The following BAX variants were observed in gnomAD, a reference collection of about 807,000 sequenced individuals.
BAX encodes apoptosis regulator BAX.
Under a neutral mutation model 26.8 loss-of-function variants are expected in BAX, and 21 were observed. The observed-to-expected ratio is 0.78, with a 90% CI of 0.56 to 1.13. The LOEUF (loss-of-function observed/expected upper bound fraction) is 1.13, where lower values mean the gene tolerates loss of function less well. BAX is among the 50% of genes most tolerant of loss of function. The pLI is 0.00. For synonymous variants in BAX, 110 were observed against 101.8 expected (o/e 1.08, Z -0.49); for missense variants, 236 against 254.6 (o/e 0.93, Z 0.50).
At chr19:48,955,416 C>CT in intron 1 of BAX, 132 bp from the exon 2 acceptor site, 1 of 1,048,416 alleles carries the variant, frequency 9.5e-7, no homozygotes, top group Non-Finnish European at 1.3e-6. Context: ...CCCCCCGTCA[C>CT]TTTATCTGCT....
In BAX at chr19:48,955,708, G is replaced by T; in HGVS notation, c.108G>T (p.Gly36=). 6.2e-7 allele frequency: 1 copy of T among 1,612,898 alleles called. No individual in the cohort carries two copies. Among genetic ancestry groups the T allele is most frequent in the Non-Finnish European group, 8.5e-7 (1 of 1,179,318 alleles). The stretch of plus-strand genomic sequence containing the variant: ...CTAGTTTCATCCAGGATCGAGCAGG[G>T]CGAATGGGGGGGGAGGCACCCGAGC... ...LLQGFIQDRA[G]RMGGEAPELA... The change falls in exon 3 of 6, where the codon GGG becomes GGT. Residue 36 remains glycine (G), a synonymous_variant. Transcript: ENST00000345358.
intron 4 of BAX, 21 bp from the exon 5 acceptor site, chr19:48,960,789 C>T (rs745721410): frequency 1.0e-5 from 16 of 1,586,876 alleles, no homozygotes; most frequent in Middle Eastern, 1.7e-4. Flanking sequence ...CAGTCCCTAA[C>T]GCCCACTCCA....
intron 3 of BAX, 130 bp from the exon 4 acceptor site, chr19:48,956,068 G>T: frequency 7.9e-7 from 1 of 1,268,456 alleles, no homozygotes; most frequent in Non-Finnish European, 1.1e-6. Context: ...GTCCCCCGTT[G>T]GCCTGTTGCT....
chr19:48,960,425 G>A (rs569441870), intron 4 of BAX: 2 of 322,404 alleles, frequency 6.2e-6, no homozygotes, highest in African/African-American at 2.2e-5. Flanking sequence ...GTGCAATGGC[G>A]CAACCTCGGC....
intron 4 of BAX, among the ~76,000 whole-genome samples, chr19:48,959,417 G>A (rs2122380010): frequency 6.6e-6 from 1 of 150,742 alleles, no homozygotes; most frequent in South Asian, 2.1e-4. Flanking sequence ...AGAGCTGAAG[G>A]GTAAGAATTT....
At position 48,955,864 on chromosome 19, in the gene BAX, C is replaced by T. The variant is rs767669256; in HGVS notation, c.233+31C>T. On this transcript the variant is annotated intron_variant, in intron 3 of 5. Transcript: ENST00000345358. ...GGCCCCTGAGGACCCAGAAGTCCAGCCACTGGGCTCCTTCAGGACACAGGA... is the reference window on the plus strand; with the variant it reads ...GGCCCCTGAGGACCCAGAAGTCCAGTCACTGGGCTCCTTCAGGACACAGGA... 6.5e-6 allele frequency: 10 copies of T among 1,548,964 alleles called. No homozygotes were observed. In the South Asian group the frequency reaches 1.1e-4, roughly 17 times the overall value.
At chr19:48,959,805 A>C (rs1368256864) in intron 4 of BAX, among the ~76,000 whole-genome samples, 2 of 150,528 alleles carry the variant, frequency 1.3e-5, no homozygotes, top group Non-Finnish European at 3.0e-5. Flanking sequence ...CAGCCTGGGC[A>C]ACAAGATCAA....
intron 3 of BAX, 121 bp downstream of exon 3, chr19:48,955,954 A>G (rs2038112195): frequency 2.3e-6 from 3 of 1,308,352 alleles, no homozygotes; most frequent in Admixed American, 2.8e-5. Context: ...ACTCAGCGCA[A>G]ACATTCCGGA....
intron 1 of BAX, 91 bp downstream of exon 1, chr19:48,955,053 C>T (rs2038069399): frequency 8.2e-7 from 1 of 1,224,778 alleles, no homozygotes; most frequent in Non-Finnish European, 1.0e-6. Context: ...TGTGCGATCT[C>T]CAAGCACTGA....
At chr19:48,960,347 C>T in intron 4 of BAX, 1 of 358,390 alleles carries the variant, frequency 2.8e-6, no homozygotes, top group Admixed American at 3.8e-5. Flanking sequence ...GTGCCTGCCA[C>T]CACACCCAGC....
chr19:48,961,549 C>CTT lies in BAX; in HGVS notation c.494_495dup (p.Gly166LeufsTer9), dbSNP rs778771537. ...GTCTCCAGGACGGCCTCCTCTCCTA[C>CTT]TTTGGGACGCCCACGTGGCAGACCG... On this transcript the variant is annotated frameshift_variant, in exon 6 of 6. Coordinates refer to ENST00000345358, the MANE Select transcript of BAX (RefSeq NM_138761.4). LOFTEE classifies it high-confidence loss of function. The CTT allele has an allele frequency of 6.2e-7, 1 of 1,610,014 alleles. No individual in the cohort carries two copies. Among genetic ancestry groups the CTT allele is most frequent in the African/African-American group, 1.3e-5 (1 of 74,862 alleles).
At chr19:48,955,359 G>C (rs942159697) in intron 1 of BAX, 189 bp from the exon 2 acceptor site, 3 of 612,378 alleles carry the variant, frequency 4.9e-6, no homozygotes, top group Non-Finnish European at 8.1e-6. Context: ...GTAGGATACA[G>C]GCCCAGCCTC....
intron 3 of BAX, 128 bp downstream of exon 3, chr19:48,955,961 C>G (rs1162278838): frequency 2.4e-6 from 3 of 1,234,620 alleles, no homozygotes; most frequent in Non-Finnish European, 3.3e-6. Flanking sequence ...GCAAACATTC[C>G]GGACTCCCAG....
chr19:48,955,625 G>A, intron 2 of BAX, 26 bp downstream of exon 2: 2 of 1,613,478 alleles, frequency 1.2e-6, no homozygotes, highest in Non-Finnish European at 1.7e-6. Context: ...GATTATTGTG[G>A]CACAGATTTG....
Position 48,961,787 on chromosome 19 carries a change from C to G in BAX, c.*151C>G. 1 of 690,044 alleles carries G rather than the reference C, an allele frequency of 1.4e-6. No homozygotes were observed. 42.7% of individuals were successfully genotyped at this position (690,044 alleles called of 1,614,324 possible). ...TGGTCTTGAGGGGGTAATAAACCTC[C>G]TTCGGGACACACTTCGGCATCTGAG... is the stretch of plus-strand genomic sequence containing the variant. On this transcript the variant is annotated 3_prime_UTR_variant, in exon 6 of 6. Coordinates refer to ENST00000345358, the MANE Select transcript of BAX (RefSeq NM_138761.4).
chr19:48,955,940 C>A (rs552458564), intron 3 of BAX, 107 bp downstream of exon 3: 4 of 1,378,384 alleles, frequency 2.9e-6, no homozygotes, highest in Non-Finnish European at 3.9e-6. Flanking sequence ...GTCTGGGCCC[C>A]ACAACTCAGC....
chr19:48,954,956 G>A lies in BAX; in HGVS notation c.28G>A (p.Gly10Ser). 1.6e-6 allele frequency: 2 copies of A among 1,245,144 alleles called. No individual in the cohort carries two copies. Among genetic ancestry groups the A allele is most frequent in the East Asian group, 3.1e-5 (1 of 32,588 alleles). 77.1% of individuals were successfully genotyped at this position (1,245,144 alleles called of 1,614,324 possible). The change falls in exon 1 of 6, where the codon GGC becomes AGC. Residue 10 changes from glycine (G) to serine (S), a missense_variant. Gly to Ser is a moderately conservative substitution (Grantham distance 56, BLOSUM62 0). Coordinates refer to ENST00000345358, the MANE Select transcript of BAX (RefSeq NM_138761.4). ...GGACGGGTCCGGGGAGCAGCCCAGA[G>A]GCGGGGGTGAGGCGGGAGGCAGACG... is the stretch of plus-strand genomic sequence containing the variant. MDGSGEQPRGGGPTSSEQIM... is the reference protein window; with the variant it reads MDGSGEQPRSGGPTSSEQIM...
intron 4 of BAX, among the ~76,000 whole-genome samples, chr19:48,958,112 G>T (rs1278454537): frequency 6.6e-6 from 1 of 150,928 alleles, no homozygotes; most frequent in Non-Finnish European, 1.5e-5. Flanking sequence ...TTTTTAAGAG[G>T]TAGGGTCTTG....
At chr19:48,956,991 AG>A (rs1287073815) in intron 4 of BAX, among the ~76,000 whole-genome samples, 2 of 148,448 alleles carry the variant, frequency 1.3e-5, no homozygotes, top group Non-Finnish European at 3.0e-5. Flanking sequence ...TTCTAAGGGC[AG>A]GTGACATCAA....
Sources: allele counts gnomAD v4.1 joint callset (sites outside exome capture counted in the v4.1 genomes callset), GRCh38; gene constraint gnomAD v4.1.1; transcripts MANE v1.5; gene names NCBI Gene and HGNC (gene_info 2026-07-23, HGNC 2026-07-21).